The following ESRRG variants were observed in gnomAD, a reference collection of about 807,000 sequenced individuals.
ESRRG encodes the protein estrogen related receptor gamma, also known as estrogen-related receptor gamma.
In ESRRG, 13 loss-of-function variants were observed where a neutral mutation model predicts 44.0. The observed-to-expected ratio is 0.30, with a 90% CI of 0.19 to 0.47. The LOEUF (loss-of-function observed/expected upper bound fraction) is 0.47, where lower values mean the gene tolerates loss of function less well. Ranked by LOEUF, ESRRG falls within the 20% of genes least tolerant of loss-of-function variation. The pLI, the probability that ESRRG is intolerant of heterozygous loss-of-function variation, is 1.00. For missense variants in ESRRG, 395 were observed against 580.6 expected (o/e 0.68, Z 3.29); for synonymous variants, 215 against 214.6 (o/e 1.00, Z -0.02).
In ESRRG at chr1:217,002,677, T is replaced by C. The variant is rs74435458; in HGVS notation, c.-105-63004A>G. Among the ~76,000 whole-genome samples the C allele has an allele frequency of 3.3e-4, 50 of 152,268 alleles. No homozygotes were observed. In the East Asian group the frequency reaches 9.6e-3, roughly 29 times the overall value. On this transcript the variant is annotated intron_variant, in intron 1 of 7. Coordinates refer to the ESRRG transcript ENST00000359162. ...TAGGTCATAAAAGGCATTATAGCTTTTACCTTGTTCTCTTGAATCACTTGC... is the reference window on the plus strand; with the variant it reads ...TAGGTCATAAAAGGCATTATAGCTTCTACCTTGTTCTCTTGAATCACTTGC...
chr1:216,762,711 A>AAAAT (rs768532140), intron 2 of ESRRG, among the ~76,000 whole-genome samples: 13 of 151,538 alleles, frequency 8.6e-5, no homozygotes, highest in Admixed American at 2.0e-4. Flanking sequence ...ATAATAATAA[A>AAAAT]AAATAAATAA....
chr1:217,031,823 T>C (rs187411648), intron 1 of ESRRG, among the ~76,000 whole-genome samples: 1 of 152,352 alleles, frequency 6.6e-6, no homozygotes, highest in African/African-American at 2.4e-5. Context: ...CCTGATGCCA[T>C]GTGAAGAAGG....
chr1:217,132,838 T>C (rs1478029996), intron 1 of ESRRG, among the ~76,000 whole-genome samples: 3 of 152,250 alleles, frequency 2.0e-5, no homozygotes, highest in East Asian at 3.9e-4. Flanking sequence ...TTTTCCAGAG[T>C]TGCTTGAAAA....
At chr1:216,957,682 C>T (rs1203000859) in intron 1 of ESRRG, among the ~76,000 whole-genome samples, 1 of 152,164 alleles carries the variant, frequency 6.6e-6, no homozygotes, top group Non-Finnish European at 1.5e-5. Context: ...ACCAGGGCAA[C>T]AGCATCCCGA....
In ESRRG at chr1:216,937,588, T is replaced by C. The variant is rs1352774567; in HGVS notation, c.-14+1994A>G. Among the ~76,000 whole-genome samples, 4 of 152,176 alleles carry C rather than the reference T, an allele frequency of 2.6e-5. No homozygotes were observed. In the East Asian group the frequency reaches 7.7e-4, roughly 29 times the overall value. On this transcript the variant is annotated intron_variant, in intron 2 of 7. Transcript: ENST00000359162. ...ACTGAAGCTCAGCAACAGTATATTC[T>C]GGCTCAAATGAGCTGAAAATTGCAT... is the stretch of plus-strand genomic sequence containing the variant.
At chr1:216,653,677 C>A (rs1349073174) in intron 2 of ESRRG, among the ~76,000 whole-genome samples, 2 of 152,172 alleles carry the variant, frequency 1.3e-5, no homozygotes, top group Non-Finnish European at 2.9e-5. Context: ...ACTATCCCAG[C>A]AGAAAACGAT....
intron 2 of ESRRG, among the ~76,000 whole-genome samples, chr1:216,925,195 T>C (rs1193759525): frequency 1.3e-5 from 2 of 152,060 alleles, no homozygotes; most frequent in African/African-American, 4.8e-5. Context: ...TCTCAGCACT[T>C]TGGGAGGCCG....
At chr1:216,888,197 C>T (rs1419113188) in intron 2 of ESRRG, among the ~76,000 whole-genome samples, 3 of 152,168 alleles carry the variant, frequency 2.0e-5, no homozygotes, top group Admixed American at 2.0e-4. Context: ...CCGACAGTCA[C>T]TCTCCTCTAA....
At chr1:216,877,073 C>T (rs190816403) in intron 2 of ESRRG, among the ~76,000 whole-genome samples, 28 of 150,576 alleles carry the variant, frequency 1.9e-4, no homozygotes, top group East Asian at 1.4e-3. Context: ...CAATATTTGC[C>T]CTAATGAAAA....
At chr1:216,966,768 A>C (rs904288013) in intron 1 of ESRRG, among the ~76,000 whole-genome samples, 1 of 152,138 alleles carries the variant, frequency 6.6e-6, no homozygotes, top group Non-Finnish European at 1.5e-5. Context: ...AAAATTCCAC[A>C]TTGCAAATTC....
chr1:217,106,574 T>A lies in ESRRG; in HGVS notation c.-230+31093A>T, dbSNP rs973344066. Among the ~76,000 whole-genome samples, 5 of 152,206 alleles carry A rather than the reference T, an allele frequency of 3.3e-5. No homozygotes were observed. In the East Asian group the frequency reaches 7.7e-4, roughly 23 times the overall value. ...AAGGAAGAAGAAAAGCTCTGAGTTG[T>A]TTTGCATAAAGAACCACATGGATCA... On this transcript the variant is annotated intron_variant, in intron 1 of 8. Transcript: ENST00000366940.
intron 3 of ESRRG, among the ~76,000 whole-genome samples, chr1:216,578,816 C>T (rs2062167829): frequency 1.3e-5 from 2 of 152,034 alleles, no homozygotes; most frequent in Admixed American, 6.6e-5. Flanking sequence ...TCTCAGCTGC[C>T]TTGAGACCTG....
chr1:216,519,500 G>T, intron 5 of ESRRG, 79 bp from the exon 6 acceptor site: 1 of 1,373,936 alleles, frequency 7.3e-7, no homozygotes, highest in Non-Finnish European at 9.8e-7. Flanking sequence ...ATGGTAGCTG[G>T]CTTCTGCATC....
chr1:216,581,193 C>G (rs935794766), intron 3 of ESRRG, among the ~76,000 whole-genome samples: 6 of 152,160 alleles, frequency 3.9e-5, no homozygotes, highest in Non-Finnish European at 8.8e-5. Flanking sequence ...TCTTAAAAAT[C>G]AAAAGGCATT....
chr1:217,091,640 G>C (rs1490271863), upstream of ESRRG, among the ~76,000 whole-genome samples: 1 of 152,176 alleles, frequency 6.6e-6, no homozygotes, highest in Non-Finnish European at 1.5e-5. Context: ...ATTGGACATA[G>C]CTTCTCTGGC....
At chr1:216,641,936 A>G (rs2066515519) in intron 3 of ESRRG, among the ~76,000 whole-genome samples, 1 of 152,206 alleles carries the variant, frequency 6.6e-6, no homozygotes, top group South Asian at 2.1e-4. Flanking sequence ...ATTTCTGGAC[A>G]TTAAGTGAAG....
intron 6 of ESRRG, among the ~76,000 whole-genome samples, chr1:216,511,585 C>T (rs529822734): frequency 1.7e-5 from 1 of 58,654 alleles, no homozygotes; most frequent in East Asian, 3.5e-4. Flanking sequence ...ACAATGAGGT[C>T]TATGTGTGTC....
chr1:216,812,226 C>G (rs1403785385), intron 2 of ESRRG, among the ~76,000 whole-genome samples: 1 of 151,924 alleles, frequency 6.6e-6, no homozygotes, highest in African/African-American at 2.4e-5. Flanking sequence ...TAAGTAAATC[C>G]TTGATTTTTT....
At chr1:216,657,353 T>C (rs1375357966) in intron 2 of ESRRG, among the ~76,000 whole-genome samples, 1 of 152,210 alleles carries the variant, frequency 6.6e-6, no homozygotes, top group African/African-American at 2.4e-5. Flanking sequence ...GTAGGAACAC[T>C]ACATCTGTTC....
Sources: gnomAD v4.1 joint callset for allele counts (sites outside exome capture counted in the v4.1 genomes callset) on GRCh38, gnomAD v4.1.1 for gene constraint, MANE v1.5 for transcripts, NCBI Gene and HGNC (gene_info 2026-07-23, HGNC 2026-07-21) for gene names.